Variants in ZPBP observed in about 807,000 individuals in gnomAD.
ZPBP encodes zona pellucida binding protein.
Under a neutral mutation model 44.8 loss-of-function variants are expected in ZPBP, and 26 were observed. That is an observed-to-expected ratio of 0.58 (90% CI 0.43 to 0.81). The LOEUF (loss-of-function observed/expected upper bound fraction) is 0.81, where lower values mean the gene tolerates loss of function less well. Ranked by LOEUF, ZPBP falls within the 30% of genes least tolerant of loss-of-function variation. The pLI is 0.00. For missense variants in ZPBP, 409 were observed against 434.0 expected (o/e 0.94, Z 0.51); for synonymous variants, 174 against 153.2 (o/e 1.14, Z -1.00).
intron 5 of ZPBP, among the ~76,000 whole-genome samples, chr7:50,025,938 A>C (rs1335780122): frequency 6.6e-6 from 1 of 151,950 alleles, no homozygotes; most frequent in Admixed American, 6.6e-5. Flanking sequence ...AGAAGTGGAC[A>C]TAATGGATAA....
At chr7:49,851,078 G>T (rs1378294669) in intron 2 of ZPBP, among the ~76,000 whole-genome samples, 1 of 152,170 alleles carries the variant, frequency 6.6e-6, no homozygotes, top group Non-Finnish European at 1.5e-5. Context: ...TGGAGGTTCC[G>T]ACGGCTGCTC....
rs147648697 is a variant in ZPBP, at chr7:50,043,601, G to A, written c.488-12291C>T. Among the ~76,000 whole-genome samples the A allele has an allele frequency of 2.6e-5, 4 of 152,252 alleles. No individual in the cohort carries two copies. In the East Asian group the frequency reaches 7.7e-4, roughly 29 times the overall value. ...AAGAAGGGCATTACATAATAGTAAG[G>A]GGATCAATGCAACAAGAAGAGCTAA... On this transcript the variant is annotated intron_variant, in intron 4 of 7. Transcript: ENST00000046087.
At chr7:49,922,394 C>A (rs930688832) in intron 1 of ZPBP, among the ~76,000 whole-genome samples, 8 of 152,024 alleles carry the variant, frequency 5.3e-5, no homozygotes, top group Non-Finnish European at 8.8e-5. Flanking sequence ...TAAATTAAAA[C>A]CAAAAAGTAT....
intron 6 of ZPBP, among the ~76,000 whole-genome samples, chr7:49,995,562 G>A (rs1797788080): frequency 6.6e-6 from 1 of 152,266 alleles, no homozygotes; most frequent in East Asian, 1.9e-4. Flanking sequence ...AGATAAATGC[G>A]GATCACCACA....
intron 1 of ZPBP, among the ~76,000 whole-genome samples, chr7:50,090,462 T>C (rs1208317572): frequency 1.2e-5 from 1 of 81,144 alleles, no homozygotes; most frequent in South Asian, 3.7e-4. Flanking sequence ...GTATTCCATA[T>C]ATATATTTAT....
At chr7:49,890,417 A>T (rs1792078195) in intron 2 of ZPBP, among the ~76,000 whole-genome samples, 2 of 152,212 alleles carry the variant, frequency 1.3e-5, no homozygotes, top group South Asian at 2.1e-4. Flanking sequence ...CATATATAAG[A>T]TTGCTAAATT....
chr7:49,919,339 C>A (rs1265485334), intron 1 of ZPBP: 1 of 152,180 alleles, frequency 6.6e-6, no homozygotes, highest in African/African-American at 2.4e-5. Context: ...AAAGCGATGG[C>A]ATCACATGCC....
chr7:49,893,936 G>A (rs1038395922), intron 2 of ZPBP, among the ~76,000 whole-genome samples: 12 of 152,146 alleles, frequency 7.9e-5, no homozygotes, highest in Non-Finnish European at 1.2e-4. Context: ...AATAAAATGC[G>A]TTGCCACAAG....
chr7:49,888,161 A>C (rs1791977821), intron 2 of ZPBP, among the ~76,000 whole-genome samples: 1 of 152,162 alleles, frequency 6.6e-6, no homozygotes, highest in South Asian at 2.1e-4. Flanking sequence ...AATGGCAATT[A>C]TTTTTTTCTG....
intron 4 of ZPBP, among the ~76,000 whole-genome samples, chr7:50,054,111 G>T (rs1341593866): frequency 6.6e-6 from 1 of 151,898 alleles, no homozygotes; most frequent in Admixed American, 6.6e-5. Context: ...GGCTGGCGTC[G>T]AACTCCTGGC....
chr7:49,927,883 T>C (rs921844219), intron 1 of ZPBP, among the ~76,000 whole-genome samples: 8 of 152,150 alleles, frequency 5.3e-5, no homozygotes, highest in African/African-American at 1.9e-4. Context: ...AGTCTACAGA[T>C]GGTGGTTTTG....
chr7:50,044,782 G>C (rs1800263878), intron 4 of ZPBP, among the ~76,000 whole-genome samples: 2 of 152,104 alleles, frequency 1.3e-5, no homozygotes, highest in African/African-American at 4.8e-5. Flanking sequence ...CCAAACAATA[G>C]AAAAATAGGG....
chr7:50,056,037 G>C (rs764430501), intron 4 of ZPBP: 11 of 152,074 alleles, frequency 7.2e-5, no homozygotes, highest in Non-Finnish European at 1.3e-4. Flanking sequence ...AGTATTTTTT[G>C]ATTAACCAAA....
intron 7 of ZPBP, among the ~76,000 whole-genome samples, chr7:49,950,216 C>T (rs1795278692): frequency 6.6e-6 from 1 of 151,848 alleles, no homozygotes; most frequent in Admixed American, 6.6e-5. Flanking sequence ...AAATTTCACA[C>T]ATGTGGTCTA....
rs188559848 is a variant in ZPBP, at chr7:50,085,483, C to G, written c.209-3584G>C. 1.8e-4 allele frequency among the ~76,000 whole-genome samples: 28 copies of G among 152,168 alleles called. No individual in the cohort carries two copies. The East Asian group carries it at 5.0e-3, about 27-fold the overall frequency. On this transcript the variant is annotated intron_variant, in intron 2 of 7. Transcript: ENST00000046087. ...TGCAATAAGGAGCCATGACAACCAA[C>G]AGTTTACAATCACAGTGAGAACCAG...
At chr7:50,034,312 T>A (rs1186054544) in intron 4 of ZPBP, among the ~76,000 whole-genome samples, 2 of 151,946 alleles carry the variant, frequency 1.3e-5, no homozygotes, top group African/African-American at 4.8e-5. Context: ...TCCCTAGACA[T>A]CAAAACTGCT....
intron 7 of ZPBP, among the ~76,000 whole-genome samples, chr7:49,959,682 T>C (rs1795768348): frequency 6.6e-6 from 1 of 152,210 alleles, no homozygotes; most frequent in African/African-American, 2.4e-5. Flanking sequence ...CAATTAATTT[T>C]GTCTTTAGAG....
intron 4 of ZPBP, among the ~76,000 whole-genome samples, chr7:50,054,159 G>A (rs1201760463): frequency 6.6e-6 from 1 of 151,858 alleles, no homozygotes; most frequent in Non-Finnish European, 1.5e-5. Flanking sequence ...CCAAAGTTCT[G>A]GGCAATTTTT....
At chr7:49,982,337 A>AATT in intron 7 of ZPBP, among the ~76,000 whole-genome samples, 1 of 124,848 alleles carries the variant, frequency 8.0e-6, no homozygotes. Flanking sequence ...TATAATATAT[A>AATT]ATACATAATA....
Sources: allele counts gnomAD v4.1 joint callset (sites outside exome capture counted in the v4.1 genomes callset), GRCh38; gene constraint gnomAD v4.1.1; transcripts MANE v1.5; gene names NCBI Gene and HGNC (gene_info 2026-07-23, HGNC 2026-07-21).